The following SCUBE1 variants were observed in gnomAD, a reference collection of about 807,000 sequenced individuals.
The protein encoded by SCUBE1 is signal peptide, CUB domain and EGF like domain containing 1.
In SCUBE1, 59 loss-of-function variants were observed where a neutral mutation model predicts 124.4. The observed-to-expected ratio is 0.47, with a 90% CI of 0.38 to 0.59. SCUBE1 has a LOEUF of 0.59. Ranked by LOEUF, SCUBE1 falls within the 20% of genes least tolerant of loss-of-function variation. The pLI, the probability that SCUBE1 is intolerant of heterozygous loss-of-function variation, is 0.00. For missense variants in SCUBE1, 1,150 were observed against 1,371.2 expected, an observed-to-expected ratio of 0.84 and a Z score of 2.55; for synonymous variants, 545 against 550.9, an observed-to-expected ratio of 0.99 and a Z score of 0.15.
intron 8 of SCUBE1, 99 bp downstream of exon 8, chr22:43,231,654 G>C: frequency 7.0e-7 from 1 of 1,435,370 alleles, no homozygotes; most frequent in Middle Eastern, 2.4e-4. Context: ...AGCCCCATCC[G>C]CATTCCCCTC....
chr22:43,286,220 T>G (rs886581863), intron 4 of SCUBE1, among the ~76,000 whole-genome samples: 3 of 152,242 alleles, frequency 2.0e-5, no homozygotes, highest in Admixed American at 6.5e-5. Context: ...ATTATGACTA[T>G]CTCCATTTTA....
chr22:43,339,544 ACCT>A (rs1277911840), intron 1 of SCUBE1, among the ~76,000 whole-genome samples: 3 of 150,234 alleles, frequency 2.0e-5, no homozygotes, highest in Non-Finnish European at 4.4e-5. Context: ...GTGAGGAAGA[ACCT>A]CCTCCTCCGT....
intron 2 of SCUBE1, among the ~76,000 whole-genome samples, chr22:43,338,090 G>A (rs186573483): frequency 7.2e-5 from 11 of 152,250 alleles, no homozygotes; most frequent in Admixed American, 1.3e-4. Context: ...TGTCTGTCTC[G>A]GAGAGAGCTA....
chr22:43,291,559 G>T (rs549747723), intron 3 of SCUBE1, among the ~76,000 whole-genome samples: 1 of 151,898 alleles, frequency 6.6e-6, no homozygotes, highest in East Asian at 1.9e-4. Context: ...ACAGTGGCAC[G>T]GTGGGCCCCC....
At chr22:43,289,061 C>T (rs9623804) in intron 4 of SCUBE1, among the ~76,000 whole-genome samples, 95,629 of 152,118 alleles carry the variant, frequency 0.63, 32,016 homozygotes, top group Middle Eastern at 0.79. Flanking sequence ...GCCTCAGCTC[C>T]ACCTGGAGTC....
intron 3 of SCUBE1, among the ~76,000 whole-genome samples, chr22:43,303,510 G>A (rs545599207): frequency 7.2e-5 from 11 of 152,234 alleles, no homozygotes; most frequent in South Asian, 4.1e-4. Context: ...CTGACATACC[G>A]GAGAAAGGCA....
intron 3 of SCUBE1, among the ~76,000 whole-genome samples, chr22:43,298,622 T>C (rs999889080): frequency 6.6e-6 from 1 of 152,148 alleles, no homozygotes; most frequent in Non-Finnish European, 1.5e-5. Context: ...GCTGTGCATC[T>C]CTAGGGAAGG....
Position 43,210,972 on chromosome 22 carries a change from C to T in SCUBE1, c.2333G>A (p.Gly778Asp). ...GCCATCGAAGTCTGTGCTGGTGTTG[C>T]CCGGACAGGTGATGCAGTGGTTCTG... ...FGQNHCITCP[G>D]NTSTDFDGST... The change falls in exon 18 of 22, where the codon GGC becomes GAC. Residue 778 changes from glycine (G) to aspartate (D), a missense_variant. Physicochemically the swap from Gly to Asp is moderately conservative, Grantham distance 94. This residue lies in a region of SCUBE1 where 757 missense variants were observed against 840.9 expected (regional missense o/e 0.90). Transcript: ENST00000360835. The surrounding 1 kb of genome is among the most constrained non-coding windows in gnomAD (Gnocchi z 4.5). 4 of 1,614,112 alleles carry T rather than the reference C, an allele frequency of 2.5e-6. No individual in the cohort carries two copies. The highest frequency in any genetic ancestry group is 3.4e-6 in the Non-Finnish European group (4 of 1,180,024).
intron 6 of SCUBE1, among the ~76,000 whole-genome samples, chr22:43,252,531 A>G (rs1370423408): frequency 6.6e-6 from 1 of 152,140 alleles, no homozygotes; most frequent in African/African-American, 2.4e-5. Context: ...GAAACTCCTC[A>G]GTGTCTCAGT....
chr22:43,342,623 C>A (rs944388720), intron 1 of SCUBE1, among the ~76,000 whole-genome samples: 1 of 152,050 alleles, frequency 6.6e-6, no homozygotes, highest in Non-Finnish European at 1.5e-5. Flanking sequence ...GCCTCCTCCT[C>A]CTTCCCCGGG....
At chr22:43,298,376 GAC>G (rs1925642148) in intron 3 of SCUBE1, among the ~76,000 whole-genome samples, 1 of 152,348 alleles carries the variant, frequency 6.6e-6, no homozygotes, top group South Asian at 2.1e-4. Context: ...GTGTGCAGAA[GAC>G]ACAGAGCCAA....
At chr22:43,278,394 C>T (rs999716027) in intron 4 of SCUBE1, among the ~76,000 whole-genome samples, 2 of 152,184 alleles carry the variant, frequency 1.3e-5, no homozygotes, top group African/African-American at 4.8e-5. Context: ...ATGGCCACAC[C>T]CTCTCTTTAA....
rs1276646155 is a variant in SCUBE1 at position 43,234,533 on chromosome 22, C to T, written c.845-2658G>A. On this transcript the variant is annotated intron_variant, in intron 7 of 21. Transcript: ENST00000360835. The surrounding 1 kb of genome is among the most constrained non-coding windows in gnomAD (Gnocchi z 4.4). ...ACCAGACAGGCAGAGGGAGGCATGT[C>T]TGCCTGAGGCCCGGGCTGGTGTAGC... Among the ~76,000 whole-genome samples the T allele has an allele frequency of 6.6e-6, 1 of 152,218 alleles. No homozygotes were observed. Among genetic ancestry groups the T allele is most frequent in the Non-Finnish European group, 1.5e-5 (1 of 68,028 alleles).
chr22:43,295,100 G>A (rs980875748), intron 3 of SCUBE1, among the ~76,000 whole-genome samples: 1 of 152,252 alleles, frequency 6.6e-6, no homozygotes, highest in African/African-American at 2.4e-5. Flanking sequence ...CTCTCCTCCC[G>A]CAGGATTCAG....
intron 6 of SCUBE1, among the ~76,000 whole-genome samples, chr22:43,253,794 G>A (rs1923551570): frequency 6.6e-6 from 1 of 152,222 alleles, no homozygotes; most frequent in African/African-American, 2.4e-5. Context: ...TCCTGGGAAG[G>A]TCGCGGGGTA....
At position 43,221,346 on chromosome 22, in the gene SCUBE1, T is replaced by TG. The variant is rs927552195; in HGVS notation, c.1433-58dup. The TG allele has an allele frequency of 6.1e-6, 3 of 493,062 alleles. No homozygotes were observed. The African/African-American group carries it at 8.7e-5, about 14-fold the overall frequency. The allele number at this position is 493,062 out of a possible 1,614,324, so 30.5% of individuals were successfully genotyped here. On this transcript the variant is annotated intron_variant, in intron 12 of 21. Transcript: ENST00000360835. Reference sequence around the variant, plus strand: ...GCCTCTCCTGCAGGCAAGGAGGTGGTGGGGGACGGGGGCTGCCAGGGGACA... The same window carrying TG: ...GCCTCTCCTGCAGGCAAGGAGGTGGTGGGGGGACGGGGGCTGCCAGGGGACA...
intron 4 of SCUBE1, among the ~76,000 whole-genome samples, chr22:43,266,955 C>T (rs941768511): frequency 3.3e-5 from 5 of 152,204 alleles, no homozygotes; most frequent in African/African-American, 1.2e-4. Context: ...TCCCCTGCAG[C>T]ACAGGATGTC....
chr22:43,255,658 C>T lies in SCUBE1; in HGVS notation c.727+2561G>A, dbSNP rs577875667. The T allele has an allele frequency of 2.8e-5, 34 of 1,233,416 alleles. No homozygotes were observed. The highest frequency in any genetic ancestry group is 4.5e-5 in the African/African-American group (3 of 67,062). 76.4% of individuals were successfully genotyped at this position (1,233,416 alleles called of 1,614,324 possible). A position where few individuals can be genotyped will look rare whatever the true frequency, so the allele number is the denominator to read the frequency against. On this transcript the variant is annotated intron_variant, in intron 6 of 21. Transcript: ENST00000360835. This position sits in a 1 kb window ranked among gnomAD's most constrained non-coding sequence, Gnocchi z 4.7. ...CCGCGGCCCAAGACAGTCAGCCTCT[C>T]GGCGTGGCGCACGCAAAGCCAACAC... is the stretch of plus-strand genomic sequence containing the variant.
rs1055930684 is a variant in SCUBE1, at chr22:43,343,315, C to A, written c.-54G>T. The A allele has an allele frequency of 1.7e-5, 15 of 891,448 alleles. No individual in the cohort carries two copies. Among genetic ancestry groups the A allele is most frequent in the South Asian group, 5.2e-5 (1 of 19,284 alleles). 55.2% of individuals were successfully genotyped at this position (891,448 alleles called of 1,614,324 possible). A position where few individuals can be genotyped will look rare whatever the true frequency, so the allele number is the denominator to read the frequency against. On this transcript the variant is annotated 5_prime_UTR_variant, in exon 1 of 22. Coordinates refer to ENST00000360835, the MANE Select transcript of SCUBE1 (RefSeq NM_173050.5). ...GGCGTGCGGGGCGCGGGGACCCGAC[C>A]GACCGGCCGCTCCCGCAGGCGCTGC...
Sources: gnomAD v4.1 joint callset for allele counts (sites outside exome capture counted in the v4.1 genomes callset) on GRCh38, gnomAD v4.1.1 for gene constraint, gnomAD v4.1.1 regional missense constraint, Gnocchi (gnomAD v3.1) non-coding constraint, MANE v1.5 for transcripts, NCBI Gene and HGNC (gene_info 2026-07-23, HGNC 2026-07-21) for gene names.